EPHX2: variants seen among roughly 807,000 people sequenced by gnomAD.
EPHX2 encodes the protein epoxide hydrolase 2.
A neutral mutation model predicts 78.7 loss-of-function variants in EPHX2; 74 were observed. The observed-to-expected ratio is 0.94, with a 90% CI of 0.78 to 1.14. EPHX2 has a LOEUF of 1.14. EPHX2 is among the 50% of genes most tolerant of loss of function. EPHX2 has a pLI of 0.00. For missense variants in EPHX2, 715 were observed against 702.5 expected, an observed-to-expected ratio of 1.02 and a Z score of -0.20; for synonymous variants, 251 against 255.2, an observed-to-expected ratio of 0.98 and a Z score of 0.16.
chr8:27,525,423 A>T lies in EPHX2; in HGVS notation c.1120A>T (p.Ser374Cys), dbSNP rs2093757296. 6.2e-7 allele frequency: 1 copy of T among 1,613,982 alleles called. No individual in the cohort carries two copies. Among genetic ancestry groups the T allele is most frequent in the Admixed American group, 1.7e-5 (1 of 59,994 alleles). ...PANPNMSPLESIKANPVFDYQ... is the reference protein window; with the variant it reads ...PANPNMSPLECIKANPVFDYQ... ...AAATCCCAACATGTCCCCTTTGGAG[A>T]GTATCAAAGCCAACCCAGTATTTGA... Residue 374 changes from serine to cysteine, a missense_variant, in exon 12 of 19, where the codon AGT becomes TGT. By Grantham distance (112) the Ser-to-Cys change is moderately radical. Coordinates refer to ENST00000521400, the MANE Select transcript of EPHX2 (RefSeq NM_001979.6).
chr8:27,542,163 C>T (rs966072759), intron 16 of EPHX2, among the ~76,000 whole-genome samples: 15 of 152,196 alleles, frequency 9.9e-5, no homozygotes, highest in Non-Finnish European at 1.5e-4. Context: ...TGTTGGTTCA[C>T]TCTGTAAGTG....
intron 14 of EPHX2, 172 bp downstream of exon 14, chr8:27,538,864 C>T: frequency 1.5e-6 from 1 of 668,578 alleles, no homozygotes; most frequent in East Asian, 2.8e-5. Context: ...CAGGCCTGAG[C>T]ACACAGCCTG....
At chr8:27,499,492 T>G (rs1241359315) in intron 1 of EPHX2, among the ~76,000 whole-genome samples, 1 of 152,200 alleles carries the variant, frequency 6.6e-6, no homozygotes, top group Admixed American at 6.5e-5. Flanking sequence ...AAAGGTATAC[T>G]TGACTATTAT....
At chr8:27,508,938 C>A (rs1256299458) in intron 5 of EPHX2, among the ~76,000 whole-genome samples, 1 of 146,722 alleles carries the variant, frequency 6.8e-6, no homozygotes, top group African/African-American at 2.6e-5. Context: ...CTGGCAACCC[C>A]CATCCTGCTT....
chr8:27,515,074 C>A (rs1030153419), intron 6 of EPHX2, among the ~76,000 whole-genome samples: 5 of 152,144 alleles, frequency 3.3e-5, no homozygotes, highest in African/African-American at 1.2e-4. Flanking sequence ...GAAGTTCTTG[C>A]CCTTTGCAGC....
Position 27,503,535 on chromosome 8 carries a change from G to A in EPHX2, c.187-69G>A, listed in dbSNP as rs1490086043. 2.0e-6 allele frequency: 3 copies of A among 1,499,644 alleles called. No individual in the cohort carries two copies. The African/African-American group carries it at 4.2e-5, about 21-fold the overall frequency. 92.9% of individuals were successfully genotyped at this position (1,499,644 alleles called of 1,614,324 possible). A position where few individuals can be genotyped will look rare whatever the true frequency, so the allele number is the denominator to read the frequency against. ...TGGTCACAGGGAATGTATATGTTTA[G>A]ATTTAGTAGACCCTGCCAGAGCTTT... On this transcript the variant is annotated intron_variant, in intron 2 of 18. Coordinates refer to ENST00000521400, the MANE Select transcript of EPHX2 (RefSeq NM_001979.6).
intron 1 of EPHX2, chr8:27,493,238 G>A (rs982098013): frequency 7.1e-5 from 11 of 153,852 alleles, no homozygotes; most frequent in Admixed American, 6.5e-4. Flanking sequence ...CCAGAGGTTG[G>A]TATAAGAATT....
chr8:27,522,822 A>T (rs1814695975), intron 11 of EPHX2, among the ~76,000 whole-genome samples: 1 of 151,988 alleles, frequency 6.6e-6, no homozygotes. Context: ...CTAGCCGGGC[A>T]TGGTGGCGTG....
chr8:27,542,337 T>C (rs963822606), intron 16 of EPHX2, among the ~76,000 whole-genome samples: 1 of 152,164 alleles, frequency 6.6e-6, no homozygotes, highest in African/African-American at 2.4e-5. Flanking sequence ...AATCCCTGTG[T>C]GACCCTGGGA....
At chr8:27,516,143 T>C (rs112689357) in intron 7 of EPHX2, among the ~76,000 whole-genome samples, 177 bp from the exon 8 acceptor site, 2 of 152,296 alleles carry the variant, frequency 1.3e-5, no homozygotes, top group South Asian at 4.1e-4. Flanking sequence ...CCCACCACCG[T>C]CCACAGCAGC....
intron 15 of EPHX2, 119 bp downstream of exon 15, chr8:27,540,775 GC>G: frequency 1.1e-6 from 1 of 875,452 alleles, no homozygotes. Flanking sequence ...TTAGTGCCAG[GC>G]CAGCCTCTGC....
At chr8:27,505,374 G>A (rs1366478626) in intron 4 of EPHX2, among the ~76,000 whole-genome samples, 1 of 152,126 alleles carries the variant, frequency 6.6e-6, no homozygotes, top group Non-Finnish European at 1.5e-5. Flanking sequence ...CAGAACTTTG[G>A]TCAAAACAGG....
chr8:27,513,684 A>T lies in EPHX2; in HGVS notation c.735+1774A>T, dbSNP rs72475831. Among the ~76,000 whole-genome samples the T allele has an allele frequency of 1.1e-4, 16 of 152,240 alleles. No homozygotes were observed. In the East Asian group the frequency reaches 3.1e-3, roughly 29 times the overall value. On this transcript the variant is annotated intron_variant, in intron 6 of 18. Transcript: ENST00000521400. Reference sequence around the variant, plus strand: ...TTTCTTAACACAGAAAAAAAATGAGATGGGAAAGGACATGCGTTTGCTGGG... The same window carrying T: ...TTTCTTAACACAGAAAAAAAATGAGTTGGGAAAGGACATGCGTTTGCTGGG...
chr8:27,536,072 AT>A (rs1279674623), intron 12 of EPHX2, among the ~76,000 whole-genome samples: 3 of 152,194 alleles, frequency 2.0e-5, no homozygotes, highest in Non-Finnish European at 4.4e-5. Flanking sequence ...CGACTGGGTA[AT>A]TAAATGCCAT....
chr8:27,515,359 A>G (rs1814408005), intron 6 of EPHX2: 1 of 273,306 alleles, frequency 3.7e-6, no homozygotes, highest in African/African-American at 2.2e-5. Flanking sequence ...TCTGCACAGT[A>G]TCAGCCCCCT....
intron 14 of EPHX2, chr8:27,538,986 G>C (rs148026676): frequency 5.0e-6 from 2 of 403,048 alleles, no homozygotes; most frequent in South Asian, 7.0e-5. Flanking sequence ...AAGGACCCCA[G>C]GATTGAGAGC....
chr8:27,517,587 T>A (rs1814502664), intron 8 of EPHX2, among the ~76,000 whole-genome samples: 1 of 152,224 alleles, frequency 6.6e-6, no homozygotes. Flanking sequence ...CAGCAGTTGA[T>A]CCACATGTAT....
intron 5 of EPHX2, among the ~76,000 whole-genome samples, chr8:27,509,020 G>A (rs73227334): frequency 0.13 from 17,209 of 133,290 alleles, 1,144 homozygotes; most frequent in African/African-American, 0.22. Flanking sequence ...ACCTACAGCA[G>A]ACGTGCTGTA....
chr8:27,506,810 A>G, intron 4 of EPHX2, 62 bp from the exon 5 acceptor site: 1 of 1,579,782 alleles, frequency 6.3e-7, no homozygotes. Flanking sequence ...ATCATAAAAT[A>G]GCCCCTGTTT....
Sources: gnomAD v4.1 joint callset for allele counts (sites outside exome capture counted in the v4.1 genomes callset) on GRCh38, gnomAD v4.1.1 for gene constraint, MANE v1.5 for transcripts, NCBI Gene and HGNC (gene_info 2026-07-23, HGNC 2026-07-21) for gene names.